The following NBAS variants were observed in gnomAD, a reference collection of about 807,000 sequenced individuals.
NBAS encodes the protein NAG/BC035112 fusion.
NBAS carries 219 observed loss-of-function variants against 302.5 expected under a neutral mutation model. That is an observed-to-expected ratio of 0.72 (90% CI 0.65 to 0.81). NBAS has a LOEUF of 0.81. Among genes scored for constraint, NBAS ranks in the 30% least tolerant of loss-of-function variants. The probability of loss-of-function intolerance (pLI) is 0.00; values close to 1 mark genes in which losing one functional copy is unlikely to be tolerated. For missense variants in NBAS, 2,932 were observed against 2,841.6 expected, an observed-to-expected ratio of 1.03 and a Z score of -0.72; for synonymous variants, 1,118 against 1,021.6, an observed-to-expected ratio of 1.09 and a Z score of -1.80.
the NBAS span, among the ~76,000 whole-genome samples, chr2:14,930,494 A>G: frequency 6.6e-6 from 1 of 152,192 alleles, no homozygotes; most frequent in Non-Finnish European, 1.5e-5. Flanking sequence ...CAGCAAAGCC[A>G]TCCAAGGTCA....
chr2:14,937,527 G>T, the NBAS span, among the ~76,000 whole-genome samples: 4 of 152,164 alleles, frequency 2.6e-5, no homozygotes, highest in Admixed American at 6.5e-5. Flanking sequence ...ACCCTGGAAA[G>T]CAGTCCACCC....
chr2:15,009,275 T>C, the NBAS span, among the ~76,000 whole-genome samples: 2 of 152,132 alleles, frequency 1.3e-5, no homozygotes, highest in Non-Finnish European at 2.9e-5. Flanking sequence ...AATTCTACAA[T>C]GGCAATGTCA....
At chr2:15,032,877 A>AG in the NBAS span, among the ~76,000 whole-genome samples, 21 of 152,240 alleles carry the variant, frequency 1.4e-4, no homozygotes, top group Non-Finnish European at 2.6e-4. Flanking sequence ...CTATTCTTCA[A>AG]GACAAGGGAA....
the NBAS span, among the ~76,000 whole-genome samples, chr2:15,098,443 AT>A: frequency 1.0e-5 from 1 of 100,458 alleles, no homozygotes; most frequent in African/African-American, 4.7e-5. Context: ...TATATTGTAT[AT>A]TGTATATTAT....
intron 35 of NBAS, 122 bp downstream of exon 35, chr2:15,351,870 G>GCACACACACA (rs10605991): frequency 1.6e-4 from 111 of 701,934 alleles, no homozygotes; most frequent in African/African-American, 1.5e-3. Context: ...TGGTCTGCAT[G>GCACACACACA]CACACACACA....
chr2:15,400,570 G>A (rs1676103279), intron 26 of NBAS, among the ~76,000 whole-genome samples: 1 of 152,092 alleles, frequency 6.6e-6, no homozygotes, highest in Non-Finnish European at 1.5e-5. Flanking sequence ...AAGGAGGTAG[G>A]CAAAGACAAG....
chr2:15,421,789 G>C (rs2148472930), intron 23 of NBAS, among the ~76,000 whole-genome samples: 1 of 152,204 alleles, frequency 6.6e-6, no homozygotes, highest in African/African-American at 2.4e-5. Flanking sequence ...ACAAATTAAA[G>C]TTTCAGAAAG....
At chr2:14,855,595 A>T in the NBAS span, among the ~76,000 whole-genome samples, 1 of 151,956 alleles carries the variant, frequency 6.6e-6, no homozygotes, top group Non-Finnish European at 1.5e-5. Context: ...AACTTAAGAA[A>T]CCTGGGGACT....
intron 2 of NBAS, among the ~76,000 whole-genome samples, chr2:15,557,171 A>G (rs1176585725): frequency 6.6e-6 from 1 of 152,226 alleles, no homozygotes; most frequent in Non-Finnish European, 1.5e-5. Context: ...AAATATTTGT[A>G]TAAAAAATTA....
chr2:14,830,437 G>A, the NBAS span, among the ~76,000 whole-genome samples: 385 of 152,180 alleles, frequency 2.5e-3, 4 homozygotes, highest in African/African-American at 8.8e-3. Context: ...GCCCTCCCCT[G>A]GGTCAGTAAA....
At chr2:15,067,269 T>C in the NBAS span, among the ~76,000 whole-genome samples, 2 of 150,512 alleles carry the variant, frequency 1.3e-5, no homozygotes, top group African/African-American at 2.5e-5. Context: ...CACTTAAGCC[T>C]GGGAGGTCAA....
At chr2:15,542,734 G>A (rs571061602) in intron 6 of NBAS, among the ~76,000 whole-genome samples, 3 of 152,192 alleles carry the variant, frequency 2.0e-5, no homozygotes, top group African/African-American at 4.8e-5. Context: ...ATGCACAGAT[G>A]CTACATAAAA....
Position 15,467,396 on chromosome 2 carries a change from T to C in NBAS, c.2030A>G (p.Glu677Gly). ...TCTACAACGGCAAAGTTCCTTTTGT[T>C]CCAGTGTCAACCTGTTTTGAATAAC... ...KLVNFSKLTL[E>G]QKELCRCRRK... is the part of the protein sequence containing the mutation. The change falls in exon 19 of 52, where the codon GAA (glutamate) becomes GGA (glycine). Residue 677 changes from glutamate (E) to glycine (G), a missense_variant. Glu to Gly is a moderately conservative substitution (Grantham distance 98). Coordinates refer to ENST00000281513, the MANE Select transcript of NBAS (RefSeq NM_015909.4). 1 of 1,613,132 alleles carries C rather than the reference T, an allele frequency of 6.2e-7. No individual in the cohort carries two copies. The highest frequency in any genetic ancestry group is 8.5e-7 in the Non-Finnish European group (1 of 1,179,258).
At chr2:15,478,129 C>A in intron 13 of NBAS, 97 bp downstream of exon 13, 1 of 881,660 alleles carries the variant, frequency 1.1e-6, no homozygotes, top group Non-Finnish European at 1.8e-6. Flanking sequence ...CAAAGTGCAG[C>A]AAAAGTATCT....
the NBAS span, among the ~76,000 whole-genome samples, chr2:14,908,755 T>A: frequency 1.3e-5 from 2 of 152,188 alleles, no homozygotes; most frequent in Non-Finnish European, 2.9e-5. Flanking sequence ...AGCATTTTTG[T>A]GAGTCTGCCA....
Position 15,320,800 on chromosome 2 carries a change from G to T in NBAS, c.4582+6950C>A, listed in dbSNP as rs922833888. ...CTTATGGATAGGAAAAATCAATATA[G>T]TGAAAATGGCCATACTGTCCAAGGT... On this transcript the variant is annotated intron_variant, in intron 38 of 51. Transcript: ENST00000281513. Among the ~76,000 whole-genome samples, 9 of 152,272 alleles carry T rather than the reference G, an allele frequency of 5.9e-5. No individual in the cohort carries two copies. In the South Asian group the frequency reaches 6.2e-4, roughly 11 times the overall value.
chr2:15,150,501 T>C, the NBAS span, among the ~76,000 whole-genome samples: 3 of 152,146 alleles, frequency 2.0e-5, no homozygotes, highest in African/African-American at 4.8e-5. Flanking sequence ...AGAAACAAAA[T>C]TGGTATTTAA....
chr2:15,018,795 T>C, the NBAS span, among the ~76,000 whole-genome samples: 10 of 152,128 alleles, frequency 6.6e-5, no homozygotes, highest in Non-Finnish European at 1.3e-4. Context: ...AAACTAACCT[T>C]AGTTTCTGAG....
chr2:15,316,576 C>T (rs4668896), intron 38 of NBAS, among the ~76,000 whole-genome samples: 1 of 152,148 alleles, frequency 6.6e-6, no homozygotes, highest in Non-Finnish European at 1.5e-5. Flanking sequence ...GATTCTCTCA[C>T]CTGCCTGGCT....
Sources: allele counts gnomAD v4.1 joint callset (sites outside exome capture counted in the v4.1 genomes callset), GRCh38; gene constraint gnomAD v4.1.1; transcripts MANE v1.5; gene names NCBI Gene and HGNC (gene_info 2026-07-23, HGNC 2026-07-21).